Variants in TRIP4 observed in about 807,000 individuals in gnomAD.
The protein encoded by TRIP4 is thyroid hormone receptor interactor 4.
Under a neutral mutation model 81.8 loss-of-function variants are expected in TRIP4, and 54 were observed. The ratio of observed to expected loss-of-function variants is 0.66; its 90% CI spans 0.53 to 0.83. The LOEUF is 0.83. Among genes scored for constraint, TRIP4 ranks in the 40% least tolerant of loss-of-function variants. The pLI, the probability that TRIP4 is intolerant of heterozygous loss-of-function variation, is 0.00. For synonymous variants in TRIP4, 270 were observed against 242.8 expected (o/e 1.11, Z -1.04); for missense variants, 662 against 683.6 (o/e 0.97, Z 0.35).
At chr15:64,390,771 T>A (rs921792551) in intron 1 of TRIP4, among the ~76,000 whole-genome samples, 4 of 151,378 alleles carry the variant, frequency 2.6e-5, no homozygotes, top group Non-Finnish European at 5.9e-5. Context: ...GACGGGCACC[T>A]GTAATCCCAG....
intron 12 of TRIP4, among the ~76,000 whole-genome samples, chr15:64,454,038 G>A (rs1266457143): frequency 6.6e-6 from 1 of 151,938 alleles, no homozygotes; most frequent in African/African-American, 2.4e-5. Flanking sequence ...AAATGAAAAT[G>A]ACAACATATT....
intron 11 of TRIP4, among the ~76,000 whole-genome samples, chr15:64,434,070 GA>G (rs1437631983): frequency 1.3e-5 from 2 of 152,064 alleles, no homozygotes; most frequent in Non-Finnish European, 2.9e-5. Context: ...GAGTCTCTCT[GA>G]AACTAATCTG....
intron 9 of TRIP4, among the ~76,000 whole-genome samples, chr15:64,419,174 G>A (rs1472058091): frequency 2.0e-5 from 3 of 151,992 alleles, no homozygotes; most frequent in African/African-American, 7.3e-5. Flanking sequence ...TTATTTTCCT[G>A]TCCATATATC....
chr15:64,421,705 C>CTACA (rs1007958270), intron 9 of TRIP4, among the ~76,000 whole-genome samples: 1 of 152,126 alleles, frequency 6.6e-6, no homozygotes, highest in African/African-American at 2.4e-5. Context: ...CTCCAGCTGC[C>CTACA]TACAGTATTC....
At chr15:64,435,214 A>AG (rs1491221705) in intron 11 of TRIP4, among the ~76,000 whole-genome samples, 5 of 11,082 alleles carry the variant, frequency 4.5e-4, no homozygotes, top group Admixed American at 1.7e-3. Context: ...ACCCCATCTC[A>AG]AAAAAAAAAA....
At chr15:64,403,052 C>T (rs928988440) in intron 5 of TRIP4, among the ~76,000 whole-genome samples, 3 of 151,712 alleles carry the variant, frequency 2.0e-5, no homozygotes, top group Admixed American at 6.6e-5. Flanking sequence ...TTAGTATAGA[C>T]GGTGTTTCAC....
intron 11 of TRIP4, among the ~76,000 whole-genome samples, chr15:64,431,964 G>C (rs1596355728): frequency 7.6e-6 from 1 of 131,456 alleles, no homozygotes; most frequent in East Asian, 2.6e-4. Context: ...TTGGCTCACT[G>C]CAACCTCTGC....
intron 11 of TRIP4, among the ~76,000 whole-genome samples, chr15:64,426,469 G>A (rs1403345762): frequency 6.6e-6 from 1 of 152,162 alleles, no homozygotes; most frequent in Non-Finnish European, 1.5e-5. Flanking sequence ...GGAAGCCAAA[G>A]CGGGTGGATC....
At chr15:64,445,955 A>G (rs765483255) in intron 12 of TRIP4, among the ~76,000 whole-genome samples, 9 of 152,084 alleles carry the variant, frequency 5.9e-5, no homozygotes, top group Non-Finnish European at 1.0e-4. Flanking sequence ...TCATTTATCC[A>G]TTTATTCATT....
chr15:64,440,392 A>T (rs1034685744), intron 11 of TRIP4, among the ~76,000 whole-genome samples: 3 of 150,822 alleles, frequency 2.0e-5, no homozygotes, highest in African/African-American at 7.3e-5. Context: ...ATGTAAGTAT[A>T]TAGTGGCTTG....
At chr15:64,406,571 A>C in intron 6 of TRIP4, 112 bp downstream of exon 6, 1 of 1,323,796 alleles carries the variant, frequency 7.6e-7, no homozygotes, top group Non-Finnish European at 1.0e-6. Flanking sequence ...AGTTTATAGC[A>C]AAAGAAGAGC....
chr15:64,410,313 A>G (rs913534079), intron 7 of TRIP4, among the ~76,000 whole-genome samples: 2 of 152,170 alleles, frequency 1.3e-5, no homozygotes, highest in Non-Finnish European at 2.9e-5. Flanking sequence ...GGCATGAGTC[A>G]CCATGCTCAG....
At chr15:64,415,260 A>G (rs1289203213) in intron 8 of TRIP4, among the ~76,000 whole-genome samples, 1 of 152,178 alleles carries the variant, frequency 6.6e-6, no homozygotes, top group African/African-American at 2.4e-5. Context: ...ATTTCCAGGC[A>G]GAAGGTACAA....
chr15:64,394,462 A>G (rs1015048791), intron 2 of TRIP4, among the ~76,000 whole-genome samples: 4 of 152,186 alleles, frequency 2.6e-5, no homozygotes, highest in African/African-American at 9.6e-5. Flanking sequence ...AAAGTTAGCC[A>G]GGCATGGAGG....
At chr15:64,431,127 TAGTC>T (rs937183541) in intron 11 of TRIP4, among the ~76,000 whole-genome samples, 2 of 152,202 alleles carry the variant, frequency 1.3e-5, no homozygotes, top group Non-Finnish European at 2.9e-5. Context: ...AAGGATTTAA[TAGTC>T]AGTATTCAAA....
intron 8 of TRIP4, among the ~76,000 whole-genome samples, chr15:64,414,512 C>CTTTTTTTTTTTTTTT (rs869202504): frequency 2.3e-5 from 2 of 87,024 alleles, no homozygotes; most frequent in African/African-American, 4.3e-5. Flanking sequence ...TGCTCTTTCT[C>CTTTTTTTTTTTTTTT]TTTTTTTTTT....
chr15:64,409,839 A>G lies in TRIP4; in HGVS notation c.1043+11A>G. ...AGAGTATCATAGCAGGTAAGTGAGCAGCACTAGAAAGGGTCTCAAAGAAGG... is the reference window on the plus strand; with the variant it reads ...AGAGTATCATAGCAGGTAAGTGAGCGGCACTAGAAAGGGTCTCAAAGAAGG... On this transcript the variant is annotated intron_variant, in intron 7 of 12. Transcript: ENST00000261884. The G allele has an allele frequency of 6.2e-7, 1 of 1,609,372 alleles. No individual in the cohort carries two copies. Among genetic ancestry groups the G allele is most frequent in the Non-Finnish European group, 8.5e-7 (1 of 1,176,068 alleles).
chr15:64,448,266 C>T (rs1368173520), intron 12 of TRIP4, among the ~76,000 whole-genome samples: 1 of 152,142 alleles, frequency 6.6e-6, no homozygotes, highest in Admixed American at 6.6e-5. Flanking sequence ...TTAGCTATTT[C>T]TCTGAAATGT....
intron 11 of TRIP4, among the ~76,000 whole-genome samples, chr15:64,440,459 C>CTT (rs11416239): frequency 0.12 from 18,075 of 144,820 alleles, 1,423 homozygotes; most frequent in African/African-American, 0.21. Flanking sequence ...TTGTGGTTGT[C>CTT]TTTTTTTTTT....
Sources: gnomAD v4.1 joint callset for allele counts (sites outside exome capture counted in the v4.1 genomes callset) on GRCh38, gnomAD v4.1.1 for gene constraint, MANE v1.5 for transcripts, NCBI Gene and HGNC (gene_info 2026-07-23, HGNC 2026-07-21) for gene names.